Variants in DOK7 observed in about 807,000 individuals in gnomAD.
The protein encoded by DOK7 is docking protein 7.
DOK7 carries 32 observed loss-of-function variants against 30.7 expected under a neutral mutation model. The ratio of observed to expected loss-of-function variants is 1.04; its 90% confidence interval spans 0.79 to 1.40. DOK7 has a LOEUF of 1.40. DOK7 is among the 40% of genes most tolerant of loss of function. The pLI is 0.00. For synonymous variants in DOK7, 447 were observed against 324.1 expected, an observed-to-expected ratio of 1.38 and a Z score of -4.07; for missense variants, 1,007 against 699.2, an observed-to-expected ratio of 1.44 and a Z score of -4.97.
At chr4:3,481,922 G>T (rs1727464328) in intron 4 of DOK7, among the ~76,000 whole-genome samples, 1 of 152,144 alleles carries the variant, frequency 6.6e-6, no homozygotes, top group Non-Finnish European at 1.5e-5. Flanking sequence ...TCTGTAACGT[G>T]GGTGAGGTTT....
chr4:3,467,456 C>CG (rs1396357315), intron 2 of DOK7, among the ~76,000 whole-genome samples: 2 of 132,198 alleles, frequency 1.5e-5, no homozygotes, highest in Non-Finnish European at 3.3e-5. Flanking sequence ...AAGACCCCCC[C>CG]CCCCCACCCC....
chr4:3,489,615 G>T, intron 5 of DOK7, 62 bp from the exon 6 acceptor site: 1 of 1,552,346 alleles, frequency 6.4e-7, no homozygotes, highest in Non-Finnish European at 8.7e-7. Flanking sequence ...TGGGCCTGGT[G>T]CCTGCGGGCG....
intron 6 of DOK7, among the ~76,000 whole-genome samples, chr4:3,490,444 C>CACCCCA: frequency 4.1e-5 from 4 of 98,258 alleles, no homozygotes; most frequent in Non-Finnish European, 5.9e-5. Context: ...TCCTTCATTT[C>CACCCCA]TCTCCTGCTC....
At chr4:3,478,868 G>C (rs1727276055) in intron 4 of DOK7, among the ~76,000 whole-genome samples, 1 of 152,206 alleles carries the variant, frequency 6.6e-6, no homozygotes, top group South Asian at 2.1e-4. Context: ...CCAAGCGGTG[G>C]TGTTCTCAAC....
chr4:3,471,213 G>A lies in DOK7; in HGVS notation c.101-2193G>A, dbSNP rs114655327. Among the ~76,000 whole-genome samples the A allele has an allele frequency of 5.8e-3, 878 of 152,322 alleles. 7 individuals carry two copies. Among genetic ancestry groups the A allele is most frequent in the African/African-American group, 0.02 (826 of 41,580 alleles). ...GTACCTGAATATGCAAGCATGTATTGAGTGCTTACTGCACACAGGGCCTCC... is the reference window on the plus strand; with the variant it reads ...GTACCTGAATATGCAAGCATGTATTAAGTGCTTACTGCACACAGGGCCTCC... On this transcript the variant is annotated intron_variant, in intron 2 of 6. Transcript: ENST00000340083.
chr4:3,477,392 G>A (rs1727163489), intron 4 of DOK7, among the ~76,000 whole-genome samples: 2 of 152,246 alleles, frequency 1.3e-5, no homozygotes, highest in Non-Finnish European at 2.9e-5. Flanking sequence ...TGGGGGCTCT[G>A]GTGGAGCCTG....
rs73793944 is a variant in DOK7, at chr4:3,493,648, G to A, written c.*147G>A. ...CCCGGAGAGGGGAGCTGGAGGGCGCGCCCTGTGGCTGCCACCGGAGGAAGG... is the reference window on the plus strand; with the variant it reads ...CCCGGAGAGGGGAGCTGGAGGGCGCACCCTGTGGCTGCCACCGGAGGAAGG... On this transcript the variant is annotated 3_prime_UTR_variant, in exon 7 of 7. Coordinates refer to ENST00000340083, the MANE Select transcript of DOK7 (RefSeq NM_173660.5). 4,082 of 1,461,918 alleles carry A rather than the reference G, an allele frequency of 2.8e-3. 90 individuals are homozygous for A. In the African/African-American group the frequency reaches 0.046, roughly 17 times the overall value. The allele number at this position is 1,461,918 out of a possible 1,614,324, so 90.6% of individuals were successfully genotyped here. A position where few individuals can be genotyped will look rare whatever the true frequency, so the allele number is the denominator to read the frequency against.
chr4:3,470,016 C>G (rs935775745), intron 2 of DOK7, among the ~76,000 whole-genome samples: 1 of 152,144 alleles, frequency 6.6e-6, no homozygotes, highest in Non-Finnish European at 1.5e-5. Context: ...CACAGCTGGG[C>G]CTTCAAACAA....
downstream of DOK7, among the ~76,000 whole-genome samples, chr4:3,496,439 A>AG (rs147154065): frequency 6.6e-6 from 1 of 152,390 alleles, no homozygotes; most frequent in East Asian, 1.9e-4. Flanking sequence ...CTGAGGTCGG[A>AG]GCCCAGACAC....
downstream of DOK7, chr4:3,496,722 C>CA: frequency 7.3e-7 from 1 of 1,377,452 alleles, no homozygotes; most frequent in Non-Finnish European, 9.8e-7. Context: ...CAGCCTGTGT[C>CA]ACTCTTGGGG....
intron 4 of DOK7, among the ~76,000 whole-genome samples, chr4:3,481,149 G>A (rs1335721974): frequency 1.3e-5 from 2 of 152,082 alleles, no homozygotes; most frequent in Non-Finnish European, 2.9e-5. Context: ...GGGTTGTAGA[G>A]AGCTGGCTAA....
At chr4:3,496,339 G>A (rs951101538), downstream of DOK7, among the ~76,000 whole-genome samples, 5 of 152,334 alleles carry the variant, frequency 3.3e-5, no homozygotes, top group African/African-American at 1.2e-4. Flanking sequence ...CCCCCCTGCG[G>A]AGCCTTCCCC....
intron 2 of DOK7, 115 bp from the exon 3 acceptor site, chr4:3,473,291 G>C (rs940801502): frequency 2.4e-5 from 24 of 987,708 alleles, no homozygotes; most frequent in Non-Finnish European, 3.4e-5. Flanking sequence ...CTGAGTGGCT[G>C]GCTTGAGGTC....
At chr4:3,490,110 C>T (rs1199513400) in intron 6 of DOK7, among the ~76,000 whole-genome samples, 7 of 52,770 alleles carry the variant, frequency 1.3e-4, no homozygotes, top group East Asian at 1.2e-3. Context: ...TTCTTCACCC[C>T]CATTCATTCC....
At chr4:3,485,809 T>C (rs1023460401) in intron 5 of DOK7, 151 bp downstream of exon 5, 11 of 1,266,404 alleles carry the variant, frequency 8.7e-6, no homozygotes, top group African/African-American at 4.7e-5. Context: ...CAGGCCAGGA[T>C]TGCAGCCTGG....
chr4:3,469,641 C>T (rs1417746467), intron 2 of DOK7, among the ~76,000 whole-genome samples: 9 of 152,188 alleles, frequency 5.9e-5, no homozygotes, highest in Non-Finnish European at 8.8e-5. Flanking sequence ...TGTGTCTACC[C>T]GGCACACGTG....
In DOK7 at chr4:3,493,902, T is replaced by C. The variant is rs1263983803; in HGVS notation, c.*401T>C. On this transcript the variant is annotated 3_prime_UTR_variant, in exon 7 of 7. Transcript: ENST00000340083. The stretch of plus-strand genomic sequence containing the variant: ...TCACGCCCCCTTCGGGGGTGGCCGG[T>C]TCTCCCCATCACCTCTCTGGGGCAG... 9.4e-7 allele frequency: 1 copy of C among 1,062,172 alleles called. No homozygotes were observed. The highest frequency in any genetic ancestry group is 7.8e-5 in the East Asian group (1 of 12,858). 65.8% of individuals were successfully genotyped at this position (1,062,172 alleles called of 1,614,324 possible). A position where few individuals can be genotyped will look rare whatever the true frequency, so the allele number is the denominator to read the frequency against.
chr4:3,463,890 A>G (rs1402146151), intron 2 of DOK7, among the ~76,000 whole-genome samples: 1 of 152,162 alleles, frequency 6.6e-6, no homozygotes, highest in Non-Finnish European at 1.5e-5. Flanking sequence ...GTGCTTGTGG[A>G]AACGCTCAGA....
chr4:3,468,543 T>TGTGTGTGACTGTGA (rs1491017248), intron 2 of DOK7, among the ~76,000 whole-genome samples: 3 of 123,664 alleles, frequency 2.4e-5, no homozygotes, highest in African/African-American at 6.5e-5. Flanking sequence ...TGAGTGTATG[T>TGTGTGTGACTGTGA]GTGTGTGCCT....
Sources: allele counts gnomAD v4.1 joint callset (sites outside exome capture counted in the v4.1 genomes callset), GRCh38; gene constraint gnomAD v4.1.1; transcripts MANE v1.5; gene names NCBI Gene and HGNC (gene_info 2026-07-23, HGNC 2026-07-21).